RMC1: variants seen among roughly 807,000 people sequenced by gnomAD.
The protein encoded by RMC1 is regulator of MON1-CCZ1 complex.
A neutral mutation model predicts 95.5 loss-of-function variants in RMC1; 44 were observed. That is an observed-to-expected ratio of 0.46 (90% CI 0.36 to 0.59). RMC1 has a LOEUF of 0.59. Among genes scored for constraint, RMC1 ranks in the 20% least tolerant of loss-of-function variants. The probability of loss-of-function intolerance (pLI) is 0.00; values close to 1 mark genes in which losing one functional copy is unlikely to be tolerated. For synonymous variants in RMC1, 320 were observed against 303.6 expected, an observed-to-expected ratio of 1.05 and a Z score of -0.56; for missense variants, 705 against 819.6, an observed-to-expected ratio of 0.86 and a Z score of 1.71.
intron 5 of RMC1, 135 bp from the exon 6 acceptor site, chr18:23,515,721 T>TG (rs1297908127): frequency 1.1e-6 from 1 of 951,534 alleles, no homozygotes; most frequent in Non-Finnish European, 1.6e-6. Flanking sequence ...TTAGTAGAGA[T>TG]GGGGTTTTAC....
chr18:23,503,516 C>T lies in RMC1; in HGVS notation c.-103C>T, dbSNP rs887340077. 5.6e-6 allele frequency: 4 copies of T among 716,776 alleles called. No homozygotes were observed. The highest frequency in any genetic ancestry group is 5.9e-6 in the Non-Finnish European group (3 of 509,696). 44.4% of individuals were successfully genotyped at this position (716,776 alleles called of 1,614,324 possible). A position where few individuals can be genotyped will look rare whatever the true frequency, so the allele number is the denominator to read the frequency against. ...GCGGCGTCCGCGCCGGGCCCAGAGC[C>T]GCAGCCGCAGCCGCCGCTACAGTCC... On this transcript the variant is annotated 5_prime_UTR_variant, in exon 1 of 20. Transcript: ENST00000269221.
intron 19 of RMC1, 32 bp from the exon 20 acceptor site, chr18:23,531,593 T>C (rs1055113709): frequency 1.2e-6 from 2 of 1,605,276 alleles, no homozygotes; most frequent in African/African-American, 2.7e-5. Context: ...TCATGCCACA[T>C]CTAACTGGCA....
intron 16 of RMC1, 82 bp downstream of exon 16, chr18:23,529,794 A>T: frequency 7.3e-7 from 1 of 1,367,792 alleles, no homozygotes; most frequent in East Asian, 2.3e-5. Flanking sequence ...AAGATGACTC[A>T]TATGCTAAGA....
At chr18:23,506,221 C>T (rs1303231788) in intron 2 of RMC1, 1 of 151,264 alleles carries the variant, frequency 6.6e-6, no homozygotes, top group Non-Finnish European at 1.5e-5. Flanking sequence ...ATAGTTGACA[C>T]ATAATAAACT....
At position 23,518,967 on chromosome 18, in the gene RMC1, A is replaced by G. The variant is rs762774870; in HGVS notation, c.731A>G (p.Tyr244Cys). ...AGCACAGGAGCGGAGGTGGTCCTCT[A>G]TCATCTACCACGGTAGATTTCATGC... is the stretch of plus-strand genomic sequence containing the variant. ...SNSTGAEVVL[Y>C]HLPREGACKK... is the part of the protein sequence containing the mutation. Residue 244 changes from tyrosine (Y) to cysteine (C), a missense_variant, in exon 8 of 20, where the codon TAT (tyrosine) becomes TGT (cysteine). By Grantham distance (194) the Tyr-to-Cys change is radical. Transcript: ENST00000269221. 6 of 1,614,146 alleles carry G rather than the reference A, an allele frequency of 3.7e-6. No homozygotes were observed. Among genetic ancestry groups the G allele is most frequent in the East Asian group, 2.2e-5 (1 of 44,884 alleles).
At chr18:23,504,898 T>G (rs1567910469) in intron 2 of RMC1, among the ~76,000 whole-genome samples, 1 of 152,194 alleles carries the variant, frequency 6.6e-6, no homozygotes. Flanking sequence ...TTGAACAGGT[T>G]TAATGATCAA....
intron 4 of RMC1, 146 bp downstream of exon 4, chr18:23,508,187 G>T (rs2057760996): frequency 4.5e-6 from 3 of 663,898 alleles, no homozygotes; most frequent in Non-Finnish European, 7.1e-6. Flanking sequence ...GAGTCAGGCG[G>T]GGTGTTTGCT....
intron 2 of RMC1, chr18:23,504,698 C>G: frequency 2.7e-6 from 1 of 365,914 alleles, no homozygotes; most frequent in Non-Finnish European, 5.1e-6. Flanking sequence ...CTTCCTAGCA[C>G]TGGAAATTAA....
intron 2 of RMC1, 114 bp downstream of exon 2, chr18:23,504,561 C>CT: frequency 1.1e-6 from 1 of 872,362 alleles, no homozygotes. Flanking sequence ...GGCCTGAAGT[C>CT]TGTGTGCGCA....
At chr18:23,506,855 T>C in intron 2 of RMC1, 115 bp from the exon 3 acceptor site, 2 of 732,356 alleles carry the variant, frequency 2.7e-6, no homozygotes, top group Non-Finnish European at 2.3e-6. Flanking sequence ...ATAATTTTAA[T>C]TTTAGACTAG....
At chr18:23,521,009 C>T (rs1228228014) in intron 10 of RMC1, among the ~76,000 whole-genome samples, 4 of 152,140 alleles carry the variant, frequency 2.6e-5, no homozygotes, top group Non-Finnish European at 4.4e-5. Context: ...TGAGCCACCA[C>T]GCCTGGCCCA....
Position 23,531,804 on chromosome 18 carries a change from C to A in RMC1, c.*100C>A. On this transcript the variant is annotated 3_prime_UTR_variant, in exon 20 of 20. Transcript: ENST00000269221. ...AAAATGTTATAAAGTGTATCTACAACCTCAACTGTCACTAAAAATATGGTA... is the reference window on the plus strand; with the variant it reads ...AAAATGTTATAAAGTGTATCTACAAACTCAACTGTCACTAAAAATATGGTA... 1 of 1,518,764 alleles carries A rather than the reference C, an allele frequency of 6.6e-7. No homozygotes were observed. The highest frequency in any genetic ancestry group is 1.3e-5 in the South Asian group (1 of 76,338). The allele number at this position is 1,518,764 out of a possible 1,614,324, so 94.1% of individuals were successfully genotyped here. A position where few individuals can be genotyped will look rare whatever the true frequency, so the allele number is the denominator to read the frequency against.
chr18:23,531,571 T>G lies in RMC1; in HGVS notation c.1895-54T>G, dbSNP rs2058509191. ...TAGACACACCTACGAGATGCTTTCT[T>G]TGTCCCTCATTTCATGCCACATCTA... On this transcript the variant is annotated intron_variant, in intron 19 of 19. Transcript: ENST00000269221. 4 of 1,591,990 alleles carry G rather than the reference T, an allele frequency of 2.5e-6. No individual in the cohort carries two copies. In the South Asian group the frequency reaches 4.6e-5, roughly 18 times the overall value.
At chr18:23,520,402 G>A in intron 10 of RMC1, 89 bp downstream of exon 10, 2 of 1,054,178 alleles carry the variant, frequency 1.9e-6, no homozygotes, top group South Asian at 1.4e-5. Context: ...CGTTAAAAGT[G>A]GAGTGAGGAA....
At position 23,524,180 on chromosome 18, in the gene RMC1, C is replaced by G; in HGVS notation, c.1006+6C>G. On this transcript the variant is annotated splice_donor_region_variant and intron_variant, in intron 11 of 19. Coordinates refer to ENST00000269221, the MANE Select transcript of RMC1 (RefSeq NM_013326.5). ...TCCTGTTCCATGTAAACTCTGTATCCTTTACTAAGGTGTGGCACCGTGCAC... is the reference window on the plus strand; with the variant it reads ...TCCTGTTCCATGTAAACTCTGTATCGTTTACTAAGGTGTGGCACCGTGCAC... 1 of 1,613,490 alleles carries G rather than the reference C, an allele frequency of 6.2e-7. No homozygotes were observed. Among genetic ancestry groups the G allele is most frequent in the Non-Finnish European group, 8.5e-7 (1 of 1,180,004 alleles).
intron 4 of RMC1, among the ~76,000 whole-genome samples, chr18:23,508,439 C>G (rs1328673355): frequency 6.6e-6 from 1 of 152,136 alleles, no homozygotes; most frequent in Non-Finnish European, 1.5e-5. Context: ...GTTTCCTTTC[C>G]TCAATTTGTT....
At chr18:23,516,458 T>C in intron 7 of RMC1, 35 bp downstream of exon 7, 2 of 1,592,074 alleles carry the variant, frequency 1.3e-6, no homozygotes, top group Non-Finnish European at 1.7e-6. Context: ...CATCCTGTGA[T>C]TGCTTTCAGT....
chr18:23,517,918 A>G (rs1002184837), intron 7 of RMC1, among the ~76,000 whole-genome samples: 1 of 151,854 alleles, frequency 6.6e-6, no homozygotes, highest in Non-Finnish European at 1.5e-5. Context: ...GAGTTTCACC[A>G]TGTTGCCCAG....
chr18:23,531,500 TAGGAA>T, intron 19 of RMC1, 120 bp from the exon 20 acceptor site: 1 of 1,479,676 alleles, frequency 6.8e-7, no homozygotes. Flanking sequence ...CCCCAAAACT[TAGGAA>T]AACAATGTAT....
Sources: allele counts gnomAD v4.1 joint callset (sites outside exome capture counted in the v4.1 genomes callset), GRCh38; gene constraint gnomAD v4.1.1; transcripts MANE v1.5; gene names NCBI Gene and HGNC (gene_info 2026-07-23, HGNC 2026-07-21).